CAMTA1: variants seen among roughly 807,000 people sequenced by gnomAD.
CAMTA1 encodes the protein calmodulin binding transcription activator 1.
A neutral mutation model predicts 170.9 loss-of-function variants in CAMTA1; 27 were observed. That is an observed-to-expected ratio of 0.16 (90% CI 0.12 to 0.22). CAMTA1 has a LOEUF of 0.22. Ranked by LOEUF, CAMTA1 falls within the 10% of genes least tolerant of loss-of-function variation. The pLI is 1.00. For missense variants in CAMTA1, 1,619 were observed against 2,217.2 expected, an observed-to-expected ratio of 0.73 and a Z score of 5.42; for synonymous variants, 833 against 891.5, an observed-to-expected ratio of 0.93 and a Z score of 1.17.
chr1:7,640,648 G>C, intron 7 of CAMTA1, 95 bp downstream of exon 7: 1 of 1,422,038 alleles, frequency 7.0e-7, no homozygotes, highest in Non-Finnish European at 9.9e-7. Context: ...CCTTGGGGAT[G>C]CGGGTCCGGA....
intron 4 of CAMTA1, among the ~76,000 whole-genome samples, chr1:7,210,191 G>A (rs1463433413): frequency 6.6e-6 from 1 of 152,142 alleles, no homozygotes. Context: ...GTCTGTTGTA[G>A]GATCCAATTC....
At chr1:6,993,602 C>A (rs1393282994) in intron 3 of CAMTA1, among the ~76,000 whole-genome samples, 1 of 152,212 alleles carries the variant, frequency 6.6e-6, no homozygotes, top group Admixed American at 6.5e-5. Flanking sequence ...TTAATTGCCT[C>A]ATTTTTCACT....
intron 3 of CAMTA1, among the ~76,000 whole-genome samples, chr1:6,865,312 C>G (rs1276078719): frequency 6.6e-6 from 1 of 152,162 alleles, no homozygotes; most frequent in Non-Finnish European, 1.5e-5. Context: ...AGGGCCCATT[C>G]ATTCATTCTC....
intron 5 of CAMTA1, among the ~76,000 whole-genome samples, chr1:7,458,117 G>A (rs1289563644): frequency 1.3e-5 from 2 of 152,160 alleles, no homozygotes; most frequent in African/African-American, 2.4e-5. Flanking sequence ...GTTTGCTGCC[G>A]TTCCTGGTTT....
At chr1:6,907,230 A>G (rs1183366135) in intron 3 of CAMTA1, among the ~76,000 whole-genome samples, 1 of 152,198 alleles carries the variant, frequency 6.6e-6, no homozygotes. Context: ...AGCATCATCA[A>G]CATTCAGTGT....
At chr1:7,246,368 G>A (rs1665771521) in intron 4 of CAMTA1, among the ~76,000 whole-genome samples, 1 of 152,108 alleles carries the variant, frequency 6.6e-6, no homozygotes, top group African/African-American at 2.4e-5. Context: ...ACACGCAAGT[G>A]GCGTGCCCCA....
At chr1:7,242,451 G>A (rs1212174834) in intron 4 of CAMTA1, among the ~76,000 whole-genome samples, 3 of 152,112 alleles carry the variant, frequency 2.0e-5, no homozygotes, top group African/African-American at 7.2e-5. Context: ...GGTTAAGAAA[G>A]TTTTCTCCAC....
intron 3 of CAMTA1, among the ~76,000 whole-genome samples, chr1:6,835,216 G>A (rs1160495701): frequency 6.6e-6 from 1 of 152,168 alleles, no homozygotes; most frequent in African/African-American, 2.4e-5. Flanking sequence ...GAAATGTTAA[G>A]GTGCAAATGA....
intron 4 of CAMTA1, among the ~76,000 whole-genome samples, chr1:7,185,901 G>A (rs971640447): frequency 1.5e-4 from 23 of 152,314 alleles, no homozygotes; most frequent in Admixed American, 2.0e-4. Flanking sequence ...CTGGATGTTC[G>A]CGTAATGCTG....
chr1:6,817,764 C>T (rs1646004409), intron 1 of CAMTA1, among the ~76,000 whole-genome samples: 1 of 152,160 alleles, frequency 6.6e-6, no homozygotes, highest in African/African-American at 2.4e-5. Context: ...TCCTGAGTAG[C>T]TGGGGTTACA....
At chr1:7,272,283 T>C (rs1669913571) in intron 5 of CAMTA1, among the ~76,000 whole-genome samples, 1 of 152,154 alleles carries the variant, frequency 6.6e-6, no homozygotes, top group South Asian at 2.1e-4. Flanking sequence ...CTCATGTTGT[T>C]GGATCACAAC....
intron 3 of CAMTA1, among the ~76,000 whole-genome samples, chr1:6,977,772 C>T (rs1020812356): frequency 2.0e-5 from 3 of 152,114 alleles, no homozygotes; most frequent in African/African-American, 7.2e-5. Context: ...GCCTAAGTCA[C>T]GTATCTAAAA....
chr1:7,278,051 GT>G (rs1250324242), intron 5 of CAMTA1, among the ~76,000 whole-genome samples: 1 of 152,112 alleles, frequency 6.6e-6, no homozygotes, highest in Non-Finnish European at 1.5e-5. Flanking sequence ...CTGAACAATT[GT>G]TTTCTGGAGA....
chr1:6,820,748 C>A (rs1302252304), intron 2 of CAMTA1, among the ~76,000 whole-genome samples: 1 of 152,076 alleles, frequency 6.6e-6, no homozygotes, highest in Admixed American at 6.6e-5. Flanking sequence ...ATGTAAGATC[C>A]TTTCTGGGTG....
chr1:7,499,867 G>A (rs1557824814), intron 6 of CAMTA1, among the ~76,000 whole-genome samples: 1 of 144,678 alleles, frequency 6.9e-6, no homozygotes, highest in Non-Finnish European at 1.5e-5. Flanking sequence ...AGTGTATATA[G>A]AGGATTGTGT....
chr1:7,036,890 C>T (rs563176728), intron 3 of CAMTA1, among the ~76,000 whole-genome samples: 7 of 152,334 alleles, frequency 4.6e-5, no homozygotes, highest in Admixed American at 3.3e-4. Context: ...GGTCTCTCTT[C>T]GTGGCTGTGG....
rs143125947 is a variant in CAMTA1, at chr1:7,635,986, G to A, written c.511-4414G>A. 9.9e-4 allele frequency among the ~76,000 whole-genome samples: 150 copies of A among 152,266 alleles called. 1 individual carries two copies. The highest frequency in any genetic ancestry group is 3.4e-3 in the African/African-American group (143 of 41,546). ...TACTACTCAACTCTGGGCATTCCAG[G>A]TGCAAGAGCTCCAGGCCCTGGGATG... On this transcript the variant is annotated intron_variant, in intron 6 of 22. Coordinates refer to ENST00000303635, the MANE Select transcript of CAMTA1 (RefSeq NM_015215.4). This position sits in a 1 kb window ranked among gnomAD's most constrained non-coding sequence, Gnocchi z 4.4.
At chr1:6,839,307 G>A (rs1160939632) in intron 3 of CAMTA1, among the ~76,000 whole-genome samples, 2 of 151,956 alleles carry the variant, frequency 1.3e-5, no homozygotes, top group Non-Finnish European at 1.5e-5. Flanking sequence ...ACTTGAACCC[G>A]GGAGGCAGAG....
At position 7,532,153 on chromosome 1, in the gene CAMTA1, G is replaced by A. The variant is rs567841730; in HGVS notation, c.510+64252G>A. On this transcript the variant is annotated intron_variant, in intron 6 of 22. Coordinates refer to ENST00000303635, the MANE Select transcript of CAMTA1 (RefSeq NM_015215.4). The surrounding 1 kb of genome is among the most constrained non-coding windows in gnomAD (Gnocchi z 4.2). Reference sequence around the variant, plus strand: ...GCTCCCGGGCCCACCCGAGCCCTAAGCTGCAGCCCTTGGGACGTCTCCATT... The same window carrying A: ...GCTCCCGGGCCCACCCGAGCCCTAAACTGCAGCCCTTGGGACGTCTCCATT... Among the ~76,000 whole-genome samples, 15 of 152,118 alleles carry A rather than the reference G, an allele frequency of 9.9e-5. No individual in the cohort carries two copies. The highest frequency in any genetic ancestry group is 2.1e-4 in the Non-Finnish European group (14 of 68,020).
Sources: allele counts gnomAD v4.1 joint callset (sites outside exome capture counted in the v4.1 genomes callset), GRCh38; gene constraint gnomAD v4.1.1; non-coding constraint Gnocchi (gnomAD v3.1); transcripts MANE v1.5; gene names NCBI Gene and HGNC (gene_info 2026-07-23, HGNC 2026-07-21).